Variants in ATM observed in about 807,000 individuals in gnomAD.
ATM encodes the protein ATM serine/threonine kinase.
ATM carries 308 observed loss-of-function variants against 387.0 expected under a neutral mutation model. That is an observed-to-expected ratio of 0.80 (90% CI 0.73 to 0.87). ATM has a LOEUF of 0.87. Among genes scored for constraint, ATM ranks in the 40% least tolerant of loss-of-function variants. The pLI is 0.00. For missense variants in ATM, 3,312 were observed against 3,560.9 expected, an observed-to-expected ratio of 0.93 and a Z score of 1.78; for synonymous variants, 1,156 against 1,187.3, an observed-to-expected ratio of 0.97 and a Z score of 0.54.
At position 108,253,806 on chromosome 11, in the gene ATM, T is replaced by C. The variant is rs529035779; in HGVS notation, c.1899-8T>C. 1.9e-6 allele frequency: 3 copies of C among 1,607,984 alleles called. No homozygotes were observed. The highest frequency in any genetic ancestry group is 2.2e-5 in the East Asian group (1 of 44,810). On this transcript the variant is annotated splice_polypyrimidine_tract_variant and splice_region_variant and intron_variant, in intron 12 of 62. Transcript: ENST00000675843. The stretch of plus-strand genomic sequence containing the variant: ...GGTTTATATATTAAAGATCTTACTT[T>C]CTTGAAGTGAACACCACCAAAAAGA...
At chr11:108,243,048 T>C (rs1369410990) in intron 5 of ATM, among the ~76,000 whole-genome samples, 2 of 151,430 alleles carry the variant, frequency 1.3e-5, no homozygotes, top group Non-Finnish European at 2.9e-5. Flanking sequence ...GGTGAAATCC[T>C]GTCTCTACCT....
chr11:108,312,239 A>G (rs1448593856), intron 39 of ATM, among the ~76,000 whole-genome samples, 172 bp from the exon 40 acceptor site: 1 of 152,198 alleles, frequency 6.6e-6, no homozygotes, highest in Non-Finnish European at 1.5e-5. Context: ...TTCATTCACA[A>G]ATTCCTTTTC....
chr11:108,356,521 A>T (rs925448061), intron 61 of ATM, among the ~76,000 whole-genome samples: 1 of 148,500 alleles, frequency 6.7e-6, no homozygotes, highest in African/African-American at 2.5e-5. Context: ...GGGCGACAAG[A>T]GCAAGACTCT....
chr11:108,365,277 G>T (rs750672018), intron 62 of ATM, 48 bp from the exon 63 acceptor site: 2 of 1,613,982 alleles, frequency 1.2e-6, no homozygotes, highest in Non-Finnish European at 8.5e-7. Flanking sequence ...TATTCCCAAG[G>T]CCTTTAAACT....
At chr11:108,311,489 AGACT>A (rs1305357327) in intron 39 of ATM, among the ~76,000 whole-genome samples, 1 of 152,156 alleles carries the variant, frequency 6.6e-6, no homozygotes, top group Non-Finnish European at 1.5e-5. Flanking sequence ...TGTGACCAGG[AGACT>A]GAGACCAGCT....
intron 55 of ATM, chr11:108,335,434 G>A (rs976413301): frequency 1.2e-5 from 7 of 561,930 alleles, no homozygotes; most frequent in South Asian, 4.0e-5. Flanking sequence ...GCAAGTTGAC[G>A]TCCTTTGCAT....
Position 108,302,922 on chromosome 11 carries a change from C to A in ATM, c.5389C>A (p.Pro1797Thr). 1 of 1,613,358 alleles carries A rather than the reference C, an allele frequency of 6.2e-7. No individual in the cohort carries two copies. Among genetic ancestry groups the A allele is most frequent in the Non-Finnish European group, 8.5e-7 (1 of 1,179,446 alleles). The change falls in exon 36 of 63, where the codon CCT becomes ACT. Residue 1797 changes from proline (P) to threonine (T), a missense_variant. Physicochemically the swap from Pro to Thr is conservative, Grantham distance 38. Around this residue, in one of 4 missense-constraint regions of ATM, gnomAD observed 1,405 missense variants for 1,604.4 expected, o/e 0.88. Coordinates refer to ENST00000675843, the MANE Select transcript of ATM (RefSeq NM_000051.4). ...CCTGGATGATATAAATCTGTGGATT[C>A]CTCTAAGTGAAAATCATGACATTTG... is the stretch of plus-strand genomic sequence containing the variant. ...EGLDDINLWI[P>T]LSENHDIWIK... is the part of the protein sequence containing the mutation.
At chr11:108,335,799 A>G (rs373054235) in intron 55 of ATM, 46 bp from the exon 56 acceptor site, 50 of 1,493,038 alleles carry the variant, frequency 3.3e-5, no homozygotes, top group Non-Finnish European at 4.1e-5. Flanking sequence ...GTGTTTTTAT[A>G]ATAAAATAAA....
In ATM at chr11:108,358,624, G is replaced by C. The variant is rs879581962; in HGVS notation, c.8850+3750G>C. On this transcript the variant is annotated intron_variant, in intron 61 of 62. Transcript: ENST00000675843. ...GGCAGAAACCCTACAAGCCAGAAGAGAGTGGGGGCCAATATTCAACATTCT... is the reference window on the plus strand; with the variant it reads ...GGCAGAAACCCTACAAGCCAGAAGACAGTGGGGGCCAATATTCAACATTCT... Among the ~76,000 whole-genome samples, 209 of 137,636 alleles carry C rather than the reference G, an allele frequency of 1.5e-3. 2 individuals are homozygous for C. The highest frequency in any genetic ancestry group is 0.01 in the East Asian group (49 of 4,830). The allele number at this position is 137,636 out of a possible 152,430, so 90.3% of individuals were successfully genotyped here. A position where few individuals can be genotyped will look rare whatever the true frequency, so the allele number is the denominator to read the frequency against.
At chr11:108,281,645 T>C (rs1440138579) in intron 24 of ATM, among the ~76,000 whole-genome samples, 1 of 152,222 alleles carries the variant, frequency 6.6e-6, no homozygotes, top group Non-Finnish European at 1.5e-5. Flanking sequence ...TATTATAGAA[T>C]GTTGGCCCCG....
chr11:108,246,527 A>T (rs4987927), intron 7 of ATM, among the ~76,000 whole-genome samples: 10 of 152,324 alleles, frequency 6.6e-5, no homozygotes, highest in Middle Eastern at 3.4e-3. Context: ...TTTTAAGTTG[A>T]CTGGAATGTG....
chr11:108,339,119 G>A lies in ATM; in HGVS notation c.8268+3158G>A, dbSNP rs149630301. Among the ~76,000 whole-genome samples, 1,220 of 152,296 alleles carry A rather than the reference G, an allele frequency of 8.0e-3. 8 individuals are homozygous for A. The highest frequency in any genetic ancestry group is 0.025 in the African/African-American group (1,044 of 41,564). On this transcript the variant is annotated intron_variant, in intron 56 of 62. Coordinates refer to ENST00000675843, the MANE Select transcript of ATM (RefSeq NM_000051.4). ...TGGAAATGAAGACAGTTCTTATTGT[G>A]TATGTTGATAGCTCAGACATAGCCC...
intron 26 of ATM, among the ~76,000 whole-genome samples, chr11:108,286,646 G>T (rs2135727627): frequency 6.6e-6 from 1 of 152,270 alleles, no homozygotes; most frequent in Admixed American, 6.5e-5. Flanking sequence ...AAAGGGAGTA[G>T]CCTCTTGTCC....
At chr11:108,249,805 G>A (rs906407791) in intron 9 of ATM, among the ~76,000 whole-genome samples, 1 of 152,138 alleles carries the variant, frequency 6.6e-6, no homozygotes, top group Non-Finnish European at 1.5e-5. Flanking sequence ...GACTTCTGGG[G>A]AAAAGCATAT....
chr11:108,263,900 G>C (rs372407856), intron 16 of ATM, among the ~76,000 whole-genome samples: 1,818 of 149,526 alleles, frequency 0.012, 32 homozygotes, highest in African/African-American at 0.032. Context: ...ATAAATTCCT[G>C]GACACATACA....
At chr11:108,242,129 A>C (rs1356298831) in intron 5 of ATM, among the ~76,000 whole-genome samples, 1 of 148,920 alleles carries the variant, frequency 6.7e-6, no homozygotes, top group African/African-American at 2.6e-5. Flanking sequence ...TTAAAAAAAC[A>C]AAAAACAAAA....
intron 4 of ATM, among the ~76,000 whole-genome samples, chr11:108,231,839 ACCT>A (rs987558960): frequency 2.6e-5 from 4 of 152,162 alleles, no homozygotes; most frequent in South Asian, 4.1e-4. Context: ...TCAATTTTCT[ACCT>A]CCTCTGAGAT....
chr11:108,321,609 C>G lies in ATM; in HGVS notation c.6572+189C>G, dbSNP rs531620932. 1.2e-4 allele frequency among the ~76,000 whole-genome samples: 18 copies of G among 152,106 alleles called. No homozygotes were observed. The South Asian group carries it at 3.3e-3, about 28-fold the overall frequency. ...ACCAGCCTGGCCAACATGGTGAAAC[C>G]CTATCTCTACTAAAAATACAAAAAT... On this transcript the variant is annotated intron_variant, in intron 45 of 62. Transcript: ENST00000675843.
intron 11 of ATM, 115 bp from the exon 12 acceptor site, chr11:108,252,702 C>A: frequency 1.3e-6 from 1 of 741,828 alleles, no homozygotes; most frequent in Non-Finnish European, 2.3e-6. Context: ...CAATTTTAAT[C>A]TAGGATCCAA....
Sources: allele counts gnomAD v4.1 joint callset (sites outside exome capture counted in the v4.1 genomes callset), GRCh38; gene constraint gnomAD v4.1.1; regional missense constraint gnomAD v4.1.1; transcripts MANE v1.5; gene names NCBI Gene and HGNC (gene_info 2026-07-23, HGNC 2026-07-21).